Variants in EMC1 observed in about 807,000 individuals in gnomAD.
EMC1 encodes the protein ER membrane protein complex subunit 1.
In EMC1, 103 loss-of-function variants were observed where a neutral mutation model predicts 128.8. That is an observed-to-expected ratio of 0.80 (90% confidence interval 0.68 to 0.94). EMC1 has a LOEUF of 0.94. Ranked by LOEUF, EMC1 falls within the 40% of genes least tolerant of loss-of-function variation. The pLI is 0.00. For missense variants in EMC1, 1,083 were observed against 1,250.6 expected (o/e 0.87, Z 2.02); for synonymous variants, 442 against 490.4 (o/e 0.90, Z 1.30).
Position 19,222,638 on chromosome 1 carries a change from C to G in EMC1, c.2573G>C (p.Ser858Thr), listed in dbSNP as rs750410302. Residue 858 changes from serine (S) to threonine (T), a missense_variant, in exon 20 of 23, where the codon AGC (serine) becomes ACC (threonine). Physicochemically the swap from Ser to Thr is moderately conservative, Grantham distance 58. Coordinates refer to ENST00000477853, the MANE Select transcript of EMC1 (RefSeq NM_015047.3). The part of the protein sequence containing the change: ...EATITERGIT[S>T]RHLLIGLPSG... ...CAGTCACTCACTCAGCAGGTGTCGG[C>G]TGGTGATGCCCCGTTCGGTGATGGT... The G allele has an allele frequency of 3.7e-6, 6 of 1,613,752 alleles. No individual in the cohort carries two copies. The highest frequency in any genetic ancestry group is 4.2e-6 in the Non-Finnish European group (5 of 1,180,002).
At chr1:19,231,876 G>A (rs750789789) in intron 15 of EMC1, among the ~76,000 whole-genome samples, 2 of 152,112 alleles carry the variant, frequency 1.3e-5, no homozygotes, top group South Asian at 2.1e-4. Context: ...GCCCTCCTTG[G>A]CCTCCCAAAG....
chr1:19,234,779 G>A (rs2093550581), intron 13 of EMC1, among the ~76,000 whole-genome samples: 1 of 152,100 alleles, frequency 6.6e-6, no homozygotes, highest in African/African-American at 2.4e-5. Context: ...CTGGGAGGCA[G>A]AGGTTGCAGT....
At chr1:19,244,222 C>T (rs192422574) in intron 2 of EMC1, among the ~76,000 whole-genome samples, 1 of 151,936 alleles carries the variant, frequency 6.6e-6, no homozygotes, top group Non-Finnish European at 1.5e-5. Flanking sequence ...CTGTCCAGGC[C>T]CCACTACCAC....
chr1:19,239,899 G>A lies in EMC1; in HGVS notation c.873C>T (p.Phe291=). ...PNPVDASRAQ[F]FLHLSPSHYA... ...AGTGGCTTGGGGACAAGTGCAGGAA[G>A]AACTGGGCCCGGGAAGCGTCCACTG... is the stretch of plus-strand genomic sequence containing the variant. The change falls in exon 8 of 23, where the codon TTC becomes TTT. Residue 291 remains phenylalanine, a synonymous_variant. Coordinates refer to ENST00000477853, the MANE Select transcript of EMC1 (RefSeq NM_015047.3). The A allele has an allele frequency of 6.2e-7, 1 of 1,614,146 alleles. No homozygotes were observed. Among genetic ancestry groups the A allele is most frequent in the Non-Finnish European group, 8.5e-7 (1 of 1,179,984 alleles).
chr1:19,225,433 CGAGATCAA>C (rs1395432993), intron 18 of EMC1, among the ~76,000 whole-genome samples: 17 of 152,138 alleles, frequency 1.1e-4, no homozygotes, highest in Non-Finnish European at 2.4e-4. Flanking sequence ...GGGCAGATCA[CGAGATCAA>C]GAGATCAAGA....
At chr1:19,235,915 A>G (rs533289996) in intron 12 of EMC1, among the ~76,000 whole-genome samples, 13 of 152,062 alleles carry the variant, frequency 8.5e-5, no homozygotes, top group Admixed American at 2.6e-4. Flanking sequence ...TAAATAAACA[A>G]AAGCTAAGCC....
intron 6 of EMC1, 131 bp downstream of exon 6, chr1:19,240,885 G>A: frequency 9.6e-7 from 1 of 1,037,118 alleles, no homozygotes; most frequent in Non-Finnish European, 1.4e-6. Flanking sequence ...CAGCTGGCAA[G>A]TGACCAGAAT....
rs901100601 is a variant in EMC1, at chr1:19,218,321, C to A, written c.*982G>T. On this transcript the variant is annotated 3_prime_UTR_variant, in exon 23 of 23. Coordinates refer to ENST00000477853, the MANE Select transcript of EMC1 (RefSeq NM_015047.3). The stretch of plus-strand genomic sequence containing the variant: ...CCAGTTTCCCACCCCTACCCTCTTT[C>A]TCCTTTTTTAAAGCTTCAAAGGTTA... 1 of 152,204 alleles carries A rather than the reference C, an allele frequency of 6.6e-6. No homozygotes were observed. The highest frequency in any genetic ancestry group is 1.5e-5 in the Non-Finnish European group (1 of 68,036). 9.4% of individuals were successfully genotyped at this position (152,204 alleles called of 1,614,324 possible).
At chr1:19,235,737 C>A (rs1372256890) in intron 12 of EMC1, among the ~76,000 whole-genome samples, 1 of 151,612 alleles carries the variant, frequency 6.6e-6, no homozygotes, top group African/African-American at 2.4e-5. Context: ...AAATAAATAT[C>A]AAAAAATTAG....
rs548379954 is a variant in EMC1 at position 19,225,539 on chromosome 1, C to T, written c.2202+1774G>A. Among the ~76,000 whole-genome samples, 126 of 152,054 alleles carry T rather than the reference C, an allele frequency of 8.3e-4. 1 individual carries two copies. The highest frequency in any genetic ancestry group is 2.9e-3 in the African/African-American group (122 of 41,480). On this transcript the variant is annotated intron_variant, in intron 18 of 22. Transcript: ENST00000477853. The stretch of plus-strand genomic sequence containing the variant: ...GTGCGCGCTTGTAGTCCCAGCTACT[C>T]GGGAGGCTGAGGCAGGAGAATCTCT...
Position 19,243,607 on chromosome 1 carries a change from C to T in EMC1, c.380+7G>A. 1 of 1,612,192 alleles carries T rather than the reference C, an allele frequency of 6.2e-7. No homozygotes were observed. On this transcript the variant is annotated splice_region_variant and intron_variant, in intron 4 of 22. Transcript: ENST00000477853. Reference sequence around the variant, plus strand: ...TCAGTCAAGATAAAATCCAGTTTCTCCCCTACCTGCCACTGTCCAGGGTTA... The same window carrying T: ...TCAGTCAAGATAAAATCCAGTTTCTTCCCTACCTGCCACTGTCCAGGGTTA...
intron 5 of EMC1, among the ~76,000 whole-genome samples, chr1:19,241,834 A>T (rs1254894618): frequency 6.6e-6 from 1 of 152,160 alleles, no homozygotes; most frequent in Non-Finnish European, 1.5e-5. Flanking sequence ...GTCCTGCTCT[A>T]AACTTTGAAA....
At chr1:19,240,154 T>C (rs2093595844) in intron 7 of EMC1, 143 bp downstream of exon 7, 2 of 1,233,560 alleles carry the variant, frequency 1.6e-6, no homozygotes, top group African/African-American at 3.0e-5. Context: ...TGATTTCCTC[T>C]TACACCAGTT....
intron 11 of EMC1, 134 bp from the exon 12 acceptor site, chr1:19,237,372 C>A: frequency 1.4e-6 from 1 of 714,698 alleles, no homozygotes. Context: ...AACAATGTAG[C>A]TATTATCTGG....
chr1:19,239,778 G>C, intron 8 of EMC1, 40 bp downstream of exon 8: 1 of 1,600,518 alleles, frequency 6.2e-7, no homozygotes, highest in Non-Finnish European at 8.5e-7. Context: ...GTCTTGGAGA[G>C]ATCTCCTGAA....
At position 19,239,879 on chromosome 1, in the gene EMC1, C is replaced by T; in HGVS notation, c.893G>A (p.Ser298Asn). ...ATGGTACTGCAGCAGAGCATAGTGG[C>T]TTGGGGACAAGTGCAGGAAGAACTG... is the stretch of plus-strand genomic sequence containing the variant. ...RAQFFLHLSP[S>N]HYALLQYHYG... Residue 298 changes from serine to asparagine, a missense_variant, in exon 8 of 23, where the codon AGC becomes AAC. This residue lies in a region of EMC1 where 544 missense variants were observed against 572.4 expected (regional missense o/e 0.95). Transcript: ENST00000477853. 1 of 1,614,140 alleles carries T rather than the reference C, an allele frequency of 6.2e-7. No homozygotes were observed.
Position 19,227,430 on chromosome 1 carries a change from A to C in EMC1, c.2085T>G (p.Ser695Arg). The C allele has an allele frequency of 6.2e-7, 1 of 1,614,150 alleles. No individual in the cohort carries two copies. Among genetic ancestry groups the C allele is most frequent in the African/African-American group, 1.3e-5 (1 of 75,024 alleles). Residue 695 changes from serine to arginine, a missense_variant, in exon 18 of 23, where the codon AGT becomes AGG. Transcript: ENST00000477853. ...RLRKDLTTEL[S>R]WELTIPPEVQ... Reference sequence around the variant, plus strand: ...CTTCTGGGGGAATGGTCAGCTCCCAACTCAGCTCAGTGGTGAGATCCTAGG... The same window carrying C: ...CTTCTGGGGGAATGGTCAGCTCCCACCTCAGCTCAGTGGTGAGATCCTAGG...
Position 19,223,554 on chromosome 1 carries a change from G to C in EMC1, c.2218C>G (p.Leu740Val). 6.2e-7 allele frequency: 1 copy of C among 1,614,004 alleles called. No individual in the cohort carries two copies. Among genetic ancestry groups the C allele is most frequent in the Non-Finnish European group, 8.5e-7 (1 of 1,180,032 alleles). ...SVLYKSLNPN[L>V]LAVVTESTDA... is the part of the protein sequence containing the mutation. The stretch of plus-strand genomic sequence containing the variant: ...GTGCTCTCTGTCACCACGGCCAGCA[G>C]GTTGGGGTTCAGGCTCTGGAGAGAG... Residue 740 changes from leucine (L) to valine (V), a missense_variant, in exon 19 of 23, where the codon CTG (leucine) becomes GTG (valine). Transcript: ENST00000477853.
intron 2 of EMC1, 43 bp downstream of exon 2, chr1:19,244,863 C>A: frequency 6.2e-7 from 1 of 1,608,960 alleles, no homozygotes; most frequent in South Asian, 1.1e-5. Context: ...GTAAGTCTTT[C>A]ATCCCTGAGG....
Sources: allele counts gnomAD v4.1 joint callset (sites outside exome capture counted in the v4.1 genomes callset), GRCh38; gene constraint gnomAD v4.1.1; regional missense constraint gnomAD v4.1.1; transcripts MANE v1.5; gene names NCBI Gene and HGNC (gene_info 2026-07-23, HGNC 2026-07-21).